The following ANK3 variants were observed in gnomAD, a reference collection of about 807,000 sequenced individuals.
ANK3 encodes ankyrin-3.
A neutral mutation model predicts 370.9 loss-of-function variants in ANK3; 57 were observed. The ratio of observed to expected loss-of-function variants is 0.15; its 90% CI spans 0.12 to 0.19. The LOEUF (loss-of-function observed/expected upper bound fraction) is 0.19, where lower values mean the gene tolerates loss of function less well. ANK3 is among the 10% of genes least tolerant of loss of function. ANK3 has a pLI of 1.00. For synonymous variants in ANK3, 1,929 were observed against 1,946.3 expected (o/e 0.99, Z 0.23); for missense variants, 4,439 against 5,302.1 (o/e 0.84, Z 5.06).
chr10:60,444,826 C>A (rs1432692493), intron 2 of ANK3, among the ~76,000 whole-genome samples: 5 of 151,948 alleles, frequency 3.3e-5, no homozygotes, highest in East Asian at 3.9e-4. Context: ...GTCTGAAGGG[C>A]CTTCTAATTT....
intron 2 of ANK3, among the ~76,000 whole-genome samples, chr10:60,613,483 G>C (rs2078227368): frequency 6.6e-6 from 1 of 152,138 alleles, no homozygotes. Context: ...TATTGAGAAA[G>C]TAAATACAAT....
At chr10:60,242,673 G>A (rs112256832) in intron 7 of ANK3, among the ~76,000 whole-genome samples, 155 of 152,196 alleles carry the variant, frequency 1.0e-3, no homozygotes, top group African/African-American at 3.7e-3. Flanking sequence ...TCATCTGTGC[G>A]GTGGATACAA....
intron 1 of ANK3, among the ~76,000 whole-genome samples, chr10:60,629,778 C>T (rs1004314301): frequency 1.3e-5 from 2 of 152,004 alleles, no homozygotes; most frequent in African/African-American, 2.4e-5. Flanking sequence ...TTTAAAGAAT[C>T]TACATCAATA....
Position 60,501,724 on chromosome 10 carries a change from G to A in ANK3, c.96+113462C>T, listed in dbSNP as rs117998645. Among the ~76,000 whole-genome samples, 258 of 136,116 alleles carry A rather than the reference G, an allele frequency of 1.9e-3. 1 individual carries two copies. Among genetic ancestry groups the A allele is most frequent in the Middle Eastern group, 8.3e-3 (2 of 242 alleles). The allele number at this position is 136,116 out of a possible 152,430, so 89.3% of individuals were successfully genotyped here. A position where few individuals can be genotyped will look rare whatever the true frequency, so the allele number is the denominator to read the frequency against. On this transcript the variant is annotated intron_variant, in intron 2 of 43. Coordinates refer to the ANK3 transcript ENST00000373827. ...CTGTCTCAAAAAAAAAAAAAAAAAA[G>A]AAAAGAAAAAGAAATGAAAACTTGT...
intron 26 of ANK3, among the ~76,000 whole-genome samples, 197 bp from the exon 27 acceptor site, chr10:60,109,251 C>G (rs2092484761): frequency 6.6e-6 from 1 of 152,116 alleles, no homozygotes; most frequent in Non-Finnish European, 1.5e-5. Context: ...AAAACTGAAA[C>G]ACAACTTGTT....
Position 60,278,887 on chromosome 10 carries a change from T to C in ANK3, c.316-15A>G, listed in dbSNP as rs775952495. The stretch of plus-strand genomic sequence containing the variant: ...GTGTTTCCTTTCTGTGAAATGAAAG[T>C]CAAGATATATCAACTCATCGATCTT... On this transcript the variant is annotated splice_polypyrimidine_tract_variant and intron_variant, in intron 3 of 43. Transcript: ENST00000280772. 42 of 1,608,402 alleles carry C rather than the reference T, an allele frequency of 2.6e-5. No individual in the cohort carries two copies. The Admixed American group carries it at 5.2e-4, about 20-fold the overall frequency.
intron 2 of ANK3, among the ~76,000 whole-genome samples, chr10:60,470,807 CA>C (rs2065199332): frequency 6.6e-6 from 1 of 151,976 alleles, no homozygotes; most frequent in African/African-American, 2.4e-5. Context: ...AAAAAACAAA[CA>C]AACAAAAAAC....
At chr10:60,551,981 C>G (rs117897830) in intron 2 of ANK3, among the ~76,000 whole-genome samples, 4,350 of 152,200 alleles carry the variant, frequency 0.029, 86 homozygotes, top group South Asian at 0.07. Context: ...TTCTTCCAAC[C>G]TACTATCTGA....
At chr10:60,088,985 A>C (rs1196943537) in intron 28 of ANK3, among the ~76,000 whole-genome samples, 1 of 152,190 alleles carries the variant, frequency 6.6e-6, no homozygotes, top group Non-Finnish European at 1.5e-5. Context: ...AAGCTGCCAA[A>C]AGTAGAAATG....
chr10:60,054,340 T>G (rs1197991180), intron 42 of ANK3, among the ~76,000 whole-genome samples: 1 of 152,140 alleles, frequency 6.6e-6, no homozygotes, highest in Admixed American at 6.5e-5. Flanking sequence ...AAAACCACAC[T>G]TGTCAGGACG....
At chr10:60,239,211 G>A (rs1279809152) in intron 7 of ANK3, among the ~76,000 whole-genome samples, 2 of 152,136 alleles carry the variant, frequency 1.3e-5, no homozygotes, top group African/African-American at 4.8e-5. Flanking sequence ...TGGGACAGAA[G>A]ACATACTTGA....
Position 60,108,928 on chromosome 10 carries a change from T to A in ANK3, c.3075A>T (p.Val1025=). The A allele has an allele frequency of 6.2e-7, 1 of 1,614,076 alleles. No individual in the cohort carries two copies. The highest frequency in any genetic ancestry group is 1.3e-5 in the African/African-American group (1 of 75,036). Residue 1025 remains valine (V), a synonymous_variant, in exon 27 of 44, where the codon GTA becomes GTT. Transcript: ENST00000280772. ...TAPTRITCRL[V]KRHKLANPPP... ...GTGGGTTGGCCAGTTTATGTCTCTT[T>A]ACCAAACGGCAGGTGATTCGAGTGG...
chr10:60,731,323 ACT>A (rs1564633882), intron 1 of ANK3, among the ~76,000 whole-genome samples: 1 of 152,196 alleles, frequency 6.6e-6, no homozygotes, highest in African/African-American at 2.4e-5. Flanking sequence ...CAGAATCCAC[ACT>A]GTTTCCTTGG....
Position 60,125,010 on chromosome 10 carries a change from G to A in ANK3, c.2841+9261C>T, listed in dbSNP as rs1014735433. Among the ~76,000 whole-genome samples, 14 of 152,150 alleles carry A rather than the reference G, an allele frequency of 9.2e-5. No individual in the cohort carries two copies. In the East Asian group the frequency reaches 1.4e-3, roughly 15 times the overall value. On this transcript the variant is annotated intron_variant, in intron 25 of 43. Coordinates refer to ENST00000280772, the MANE Select transcript of ANK3 (RefSeq NM_020987.5). ...TGGATATTGAGTGAAATGGCAAACCGCGACCCAAATAGATAGTAGTAGGTT... is the reference window on the plus strand; with the variant it reads ...TGGATATTGAGTGAAATGGCAAACCACGACCCAAATAGATAGTAGTAGGTT...
At chr10:60,609,458 G>A (rs74155620) in intron 2 of ANK3, among the ~76,000 whole-genome samples, 1,814 of 152,056 alleles carry the variant, frequency 0.012, 35 homozygotes, top group African/African-American at 0.041. Context: ...CCCAGGGTGC[G>A]TTTAGATGTG....
At chr10:60,221,300 G>C (rs981029074) in intron 8 of ANK3, among the ~76,000 whole-genome samples, 13 of 152,004 alleles carry the variant, frequency 8.6e-5, no homozygotes, top group African/African-American at 3.1e-4. Context: ...GGCTGGTCTC[G>C]ACTTCCTGAC....
intron 1 of ANK3, among the ~76,000 whole-genome samples, chr10:60,676,924 T>C (rs947790750): frequency 1.3e-5 from 2 of 152,310 alleles, no homozygotes; most frequent in African/African-American, 2.4e-5. Flanking sequence ...AAATGATAAA[T>C]GCTTGTGTTG....
intron 1 of ANK3, among the ~76,000 whole-genome samples, chr10:60,352,049 C>T (rs1176437967): frequency 6.6e-6 from 1 of 152,316 alleles, no homozygotes; most frequent in Non-Finnish European, 1.5e-5. Context: ...ATAATCCCAG[C>T]TCTTCAGGAG....
intron 1 of ANK3, among the ~76,000 whole-genome samples, chr10:60,686,450 G>C (rs1479239935): frequency 6.6e-6 from 1 of 152,038 alleles, no homozygotes; most frequent in African/African-American, 2.4e-5. Flanking sequence ...ATTTGGAGTG[G>C]GATGAAGCTA....
Sources: allele counts gnomAD v4.1 joint callset (sites outside exome capture counted in the v4.1 genomes callset), GRCh38; gene constraint gnomAD v4.1.1; transcripts MANE v1.5; gene names NCBI Gene and HGNC (gene_info 2026-07-23, HGNC 2026-07-21).